The following SEMA7A variants were observed in gnomAD, a reference collection of about 807,000 sequenced individuals.
SEMA7A encodes semaphorin 7A (JohnMiltonHagen blood group).
SEMA7A carries 21 observed loss-of-function variants against 67.5 expected under a neutral mutation model. That is an observed-to-expected ratio of 0.31 (90% CI 0.22 to 0.45). SEMA7A has a LOEUF of 0.45. Ranked by LOEUF, SEMA7A falls within the 20% of genes least tolerant of loss-of-function variation. SEMA7A has a pLI of 1.00. For missense variants in SEMA7A, 774 were observed against 908.6 expected, an observed-to-expected ratio of 0.85 and a Z score of 1.90; for synonymous variants, 364 against 368.5, an observed-to-expected ratio of 0.99 and a Z score of 0.14.
At chr15:74,427,206 T>C (rs1203950178) in intron 1 of SEMA7A, 4 of 985,238 alleles carry the variant, frequency 4.1e-6, no homozygotes, top group Non-Finnish European at 4.8e-6. Context: ...GATCATGCTG[T>C]CTGATGGGAT....
At position 74,415,981 on chromosome 15, in the gene SEMA7A, T is replaced by A; in HGVS notation, c.806A>T (p.Asp269Val). 6.2e-7 allele frequency: 1 copy of A among 1,613,696 alleles called. No individual in the cohort carries two copies. Among genetic ancestry groups the A allele is most frequent in the Non-Finnish European group, 8.5e-7 (1 of 1,179,792 alleles). Residue 269 changes from aspartate to valine, a missense_variant, in exon 8 of 14, where the codon GAC becomes GTC. Around this residue, in one of 2 missense-constraint regions of SEMA7A, gnomAD observed 427 missense variants for 555.4 expected, o/e 0.77. Transcript: ENST00000261918. ...TGACAGTGAACTTTCCCCACCCTGG[T>A]CCCCCTGGAAGGGTAGAGGGGAGAA... ...VSRVAQLCRG[D>V]QGGESSLSVS...
rs186883679 is a variant in SEMA7A at position 74,416,767 on chromosome 15, C to A, written c.662-53G>T. On this transcript the variant is annotated intron_variant, in intron 6 of 13. Coordinates refer to ENST00000261918, the MANE Select transcript of SEMA7A (RefSeq NM_003612.5). Reference sequence around the variant, plus strand: ...AAGGCTGGGAAGCTTGCCCGGGAGACCATCCCAACCCTGCACACTCTCCTC... The same window carrying A: ...AAGGCTGGGAAGCTTGCCCGGGAGAACATCCCAACCCTGCACACTCTCCTC... 3 of 1,588,048 alleles carry A rather than the reference C, an allele frequency of 1.9e-6. No homozygotes were observed. The South Asian group carries it at 3.4e-5, about 18-fold the overall frequency.
At chr15:74,416,151 C>G (rs896083818) in intron 7 of SEMA7A, among the ~76,000 whole-genome samples, 166 bp from the exon 8 acceptor site, 1 of 152,126 alleles carries the variant, frequency 6.6e-6, no homozygotes, top group Non-Finnish European at 1.5e-5. Flanking sequence ...GGCAGGTCTC[C>G]AGATGAGACT....
rs774547924 is a variant in SEMA7A at position 74,411,225 on chromosome 15, C to A, written c.1639+70G>T. 8 of 1,530,434 alleles carry A rather than the reference C, an allele frequency of 5.2e-6. No individual in the cohort carries two copies. Among genetic ancestry groups the A allele is most frequent in the Non-Finnish European group, 7.2e-6 (8 of 1,116,866 alleles). 94.8% of individuals were successfully genotyped at this position (1,530,434 alleles called of 1,614,324 possible). On this transcript the variant is annotated intron_variant, in intron 13 of 13. Transcript: ENST00000261918. The surrounding 1 kb of genome is among the most constrained non-coding windows in gnomAD (Gnocchi z 4.4). Reference sequence around the variant, plus strand: ...AGGACAAGGCCATGTCTCCCTCAGACCAGGACAATCAGGGCAGGGCAGTAC... The same window carrying A: ...AGGACAAGGCCATGTCTCCCTCAGAACAGGACAATCAGGGCAGGGCAGTAC...
At chr15:74,421,567 CG>C (rs750099819) in intron 1 of SEMA7A, among the ~76,000 whole-genome samples, 5 of 152,166 alleles carry the variant, frequency 3.3e-5, no homozygotes, top group Non-Finnish European at 7.3e-5. Flanking sequence ...CTTGGTGATG[CG>C]TATGGACTAG....
At chr15:74,433,056 C>T (rs1353635450) in intron 1 of SEMA7A, among the ~76,000 whole-genome samples, 2 of 152,186 alleles carry the variant, frequency 1.3e-5, no homozygotes, top group Non-Finnish European at 2.9e-5. Flanking sequence ...AACGCTGGAG[C>T]CGATTTCTGG....
At chr15:74,422,841 T>C (rs915936953) in intron 1 of SEMA7A, among the ~76,000 whole-genome samples, 3 of 152,166 alleles carry the variant, frequency 2.0e-5, no homozygotes, top group African/African-American at 7.2e-5. Context: ...CCTCTTCTCA[T>C]TCACTCTGGT....
chr15:74,433,711 G>C (rs1482580988), intron 1 of SEMA7A, 30 bp downstream of exon 1: 1 of 1,406,322 alleles, frequency 7.1e-7, no homozygotes, highest in Admixed American at 3.2e-5. Flanking sequence ...GTCTGATCCC[G>C]CGCCTGACCG....
intron 1 of SEMA7A, among the ~76,000 whole-genome samples, chr15:74,428,710 G>A (rs1050407815): frequency 6.6e-6 from 1 of 152,222 alleles, no homozygotes; most frequent in Non-Finnish European, 1.5e-5. Flanking sequence ...TGGGGAAGGC[G>A]GCAGCTGTGT....
chr15:74,428,306 G>A (rs1229134993), intron 1 of SEMA7A, among the ~76,000 whole-genome samples: 1 of 152,226 alleles, frequency 6.6e-6, no homozygotes, highest in Admixed American at 6.5e-5. Context: ...GACAGAGTAT[G>A]ATGGCAGACA....
At chr15:74,417,764 C>G (rs999160914) in intron 4 of SEMA7A, 89 bp from the exon 5 acceptor site, 5 of 1,544,292 alleles carry the variant, frequency 3.2e-6, no homozygotes, top group Non-Finnish European at 3.6e-6. Context: ...GAGCCCCATC[C>G]TCCCAGGGCA....
intron 1 of SEMA7A, among the ~76,000 whole-genome samples, chr15:74,420,861 C>T (rs545224495): frequency 3.2e-3 from 482 of 152,310 alleles, no homozygotes; most frequent in Non-Finnish European, 5.5e-3. Flanking sequence ...GGAAAAGGTG[C>T]GTGTCTGCAT....
In SEMA7A at chr15:74,414,971, A is replaced by C; in HGVS notation, c.987-25T>G. On this transcript the variant is annotated intron_variant, in intron 8 of 13. Coordinates refer to ENST00000261918, the MANE Select transcript of SEMA7A (RefSeq NM_003612.5). The surrounding 1 kb of genome is among the most constrained non-coding windows in gnomAD (Gnocchi z 4.1). ...CCTGCAGTGACATGGAGACCAGCTC[A>C]ATGGGGGGCCCAGAACCCACCCATC... 1.4e-4 allele frequency: 227 copies of C among 1,595,368 alleles called. No homozygotes were observed. Among genetic ancestry groups the C allele is most frequent in the Middle Eastern group, 3.4e-4 (2 of 5,946 alleles).
At chr15:74,422,409 G>C (rs779228055) in intron 1 of SEMA7A, among the ~76,000 whole-genome samples, 10 of 152,156 alleles carry the variant, frequency 6.6e-5, no homozygotes, top group Non-Finnish European at 1.2e-4. Flanking sequence ...GAGGGGGCTA[G>C]GGACATATGG....
rs565437674 is a variant in SEMA7A, at chr15:74,414,991, C to T, written c.987-45G>A. Reference sequence around the variant, plus strand: ...AGCTCAATGGGGGGCCCAGAACCCACCCATCCACCTCCACTCACCCAGGCC... The same window carrying T: ...AGCTCAATGGGGGGCCCAGAACCCATCCATCCACCTCCACTCACCCAGGCC... On this transcript the variant is annotated intron_variant, in intron 8 of 13. Transcript: ENST00000261918. The surrounding 1 kb of genome is among the most constrained non-coding windows in gnomAD (Gnocchi z 4.1). 2.0e-6 allele frequency: 3 copies of T among 1,517,730 alleles called. No individual in the cohort carries two copies. The South Asian group carries it at 3.4e-5, about 17-fold the overall frequency. 94.0% of individuals were successfully genotyped at this position (1,517,730 alleles called of 1,614,324 possible). A position where few individuals can be genotyped will look rare whatever the true frequency, so the allele number is the denominator to read the frequency against.
intron 4 of SEMA7A, 44 bp downstream of exon 4, chr15:74,417,833 G>T (rs746627424): frequency 6.3e-7 from 1 of 1,596,616 alleles, no homozygotes; most frequent in Non-Finnish European, 8.6e-7. Flanking sequence ...AGCCCACGCA[G>T]TAGAAGGTGA....
chr15:74,417,512 T>G, intron 5 of SEMA7A, 67 bp from the exon 6 acceptor site: 1 of 1,586,868 alleles, frequency 6.3e-7, no homozygotes, highest in East Asian at 2.2e-5. Context: ...CTCCGGACAC[T>G]GGACAAAGAG....
chr15:74,415,084 G>A, intron 8 of SEMA7A, 138 bp from the exon 9 acceptor site: 1 of 689,522 alleles, frequency 1.5e-6, no homozygotes. Context: ...GGAGGAAGGA[G>A]AGGAGTTCAG....
intron 6 of SEMA7A, 46 bp downstream of exon 6, chr15:74,417,289 C>T (rs756090284): frequency 1.4e-6 from 2 of 1,471,952 alleles, no homozygotes; most frequent in African/African-American, 1.4e-5. Context: ...ACCTTAAGTG[C>T]TCACACCCCC....
Sources: gnomAD v4.1 joint callset for allele counts (sites outside exome capture counted in the v4.1 genomes callset) on GRCh38, gnomAD v4.1.1 for gene constraint, gnomAD v4.1.1 regional missense constraint, Gnocchi (gnomAD v3.1) non-coding constraint, MANE v1.5 for transcripts, NCBI Gene and HGNC (gene_info 2026-07-23, HGNC 2026-07-21) for gene names.